KIAA0586: variants seen among roughly 807,000 people sequenced by gnomAD.
KIAA0586 encodes the protein protein TALPID3.
Under a neutral mutation model 169.8 loss-of-function variants are expected in KIAA0586, and 144 were observed. The observed-to-expected ratio is 0.85, with a 90% confidence interval of 0.74 to 0.97. KIAA0586 has a LOEUF of 0.97. Among genes scored for constraint, KIAA0586 ranks in the 50% least tolerant of loss-of-function variants. The probability of loss-of-function intolerance (pLI) is 0.00; values close to 1 mark genes in which losing one functional copy is unlikely to be tolerated. For synonymous variants in KIAA0586, 625 were observed against 612.4 expected, an observed-to-expected ratio of 1.02 and a Z score of -0.30; for missense variants, 1,854 against 1,823.0, an observed-to-expected ratio of 1.02 and a Z score of -0.31.
intron 3 of KIAA0586, among the ~76,000 whole-genome samples, chr14:58,431,250 A>G (rs2140410597): frequency 6.6e-6 from 1 of 152,264 alleles, no homozygotes; most frequent in Admixed American, 6.5e-5. Context: ...GCAGAGGTTT[A>G]GTATTAGATA....
chr14:58,427,933 C>T lies in KIAA0586; in HGVS notation c.-332C>T. Reference sequence around the variant, plus strand: ...TCTTCTCAACAAATTTTAAGCCCGCCACTACATGTGTTTGGTTTTGCCCTA... The same window carrying T: ...TCTTCTCAACAAATTTTAAGCCCGCTACTACATGTGTTTGGTTTTGCCCTA... On this transcript the variant is annotated 5_prime_UTR_variant, in exon 1 of 31. Coordinates refer to ENST00000652326, the MANE Select transcript of KIAA0586 (RefSeq NM_001329943.3). 7.3e-7 allele frequency: 1 copy of T among 1,373,878 alleles called. No individual in the cohort carries two copies. Among genetic ancestry groups the T allele is most frequent in the Non-Finnish European group, 9.5e-7 (1 of 1,050,702 alleles). 85.1% of individuals were successfully genotyped at this position (1,373,878 alleles called of 1,614,324 possible).
At chr14:58,478,231 G>A (rs1595286898) in intron 20 of KIAA0586, among the ~76,000 whole-genome samples, 1 of 152,110 alleles carries the variant, frequency 6.6e-6, no homozygotes, top group Non-Finnish European at 1.5e-5. Flanking sequence ...GCCTGTAATC[G>A]CAGCACTTTG....
intron 14 of KIAA0586, among the ~76,000 whole-genome samples, 176 bp downstream of exon 14, chr14:58,461,336 A>T (rs1249156444): frequency 6.6e-6 from 1 of 152,252 alleles, no homozygotes; most frequent in Non-Finnish European, 1.5e-5. Context: ...CCAACATTTT[A>T]AAAAAGACAC....
chr14:58,479,250 C>T (rs1351628607), intron 20 of KIAA0586, among the ~76,000 whole-genome samples: 1 of 152,150 alleles, frequency 6.6e-6, no homozygotes, highest in African/African-American at 2.4e-5. Context: ...CCTAACTATA[C>T]TAATACCTGA....
At position 58,547,819 on chromosome 14, in the gene KIAA0586, C is replaced by T; in HGVS notation, c.4534C>T (p.Pro1512Ser). Residue 1512 changes from proline to serine, a missense_variant, in exon 31 of 31, where the codon CCT becomes TCT. Physicochemically the swap from Pro to Ser is moderately conservative, Grantham distance 74. Transcript: ENST00000652326. ...GCCACTCTCCGCTTCACAGATGCCCCCTGCCAAGATGTCAGTGATGCTGCC... is the reference window on the plus strand; with the variant it reads ...GCCACTCTCCGCTTCACAGATGCCCTCTGCCAAGATGTCAGTGATGCTGCC... ...AVPLSASQMP[P>S]AKMSVMLPSV... 2 of 1,613,688 alleles carry T rather than the reference C, an allele frequency of 1.2e-6. No individual in the cohort carries two copies. The highest frequency in any genetic ancestry group is 2.7e-5 in the African/African-American group (2 of 75,008).
At chr14:58,437,255 C>A (rs188046111) in intron 4 of KIAA0586, among the ~76,000 whole-genome samples, 321 of 152,188 alleles carry the variant, frequency 2.1e-3, no homozygotes, top group African/African-American at 7.1e-3. Context: ...AAGGAAGGCA[C>A]TAAGGTTGAA....
chr14:58,450,256 C>G (rs978424086), intron 7 of KIAA0586, among the ~76,000 whole-genome samples: 2 of 152,088 alleles, frequency 1.3e-5, no homozygotes, highest in African/African-American at 4.8e-5. Flanking sequence ...GTATATAAAA[C>G]TTTAATTCTT....
chr14:58,462,118 A>G (rs1305439186), intron 14 of KIAA0586, among the ~76,000 whole-genome samples: 1 of 152,226 alleles, frequency 6.6e-6, no homozygotes, highest in East Asian at 1.9e-4. Flanking sequence ...AGGTTATGCA[A>G]TCATATACAG....
Position 58,498,973 on chromosome 14 carries a change from A to G in KIAA0586, c.4168+13A>G, listed in dbSNP as rs375052904. ...GACACAGTTTCAGGTAGACACCAAA[A>G]TATTTTTTCTTGATGTGTCATAGTA... is the stretch of plus-strand genomic sequence containing the variant. On this transcript the variant is annotated intron_variant, in intron 27 of 30. Coordinates refer to ENST00000652326, the MANE Select transcript of KIAA0586 (RefSeq NM_001329943.3). The G allele has an allele frequency of 5.7e-6, 9 of 1,575,618 alleles. 1 individual carries two copies. Among genetic ancestry groups the G allele is most frequent in the Non-Finnish European group, 8.6e-7 (1 of 1,160,038 alleles).
intron 12 of KIAA0586, among the ~76,000 whole-genome samples, 179 bp downstream of exon 12, chr14:58,458,724 A>C (rs911102131): frequency 6.6e-6 from 1 of 152,184 alleles, no homozygotes; most frequent in Non-Finnish European, 1.5e-5. Context: ...TAACAAGTAT[A>C]TTATCTCCAC....
chr14:58,554,705 ATCT>A (rs1465338112), downstream of KIAA0586, among the ~76,000 whole-genome samples: 1 of 152,124 alleles, frequency 6.6e-6, no homozygotes, highest in Admixed American at 6.5e-5. Context: ...CAGATAGTAA[ATCT>A]TCTTGGCTTT....
intron 29 of KIAA0586, among the ~76,000 whole-genome samples, chr14:58,526,608 G>C (rs551699931): frequency 6.6e-6 from 1 of 152,278 alleles, no homozygotes; most frequent in East Asian, 1.9e-4. Context: ...GGAAAAACCA[G>C]TGCAAAAAGC....
chr14:58,450,394 G>A (rs931730579), intron 7 of KIAA0586, among the ~76,000 whole-genome samples, 185 bp from the exon 8 acceptor site: 2 of 152,088 alleles, frequency 1.3e-5, no homozygotes, highest in African/African-American at 4.8e-5. Flanking sequence ...AGATGTAAGT[G>A]TACAATGTTT....
intron 23 of KIAA0586, 78 bp from the exon 24 acceptor site, chr14:58,488,543 C>T (rs888497363): frequency 1.8e-5 from 27 of 1,496,476 alleles, no homozygotes; most frequent in East Asian, 2.3e-5. Flanking sequence ...ACATAGTCTT[C>T]GAGTCTGTTT....
At chr14:58,557,665 TGA>T in the KIAA0586 span, among the ~76,000 whole-genome samples, 1 of 151,944 alleles carries the variant, frequency 6.6e-6, no homozygotes, top group Non-Finnish European at 1.5e-5. Flanking sequence ...GCCACCAGAC[TGA>T]GAGATTTGTT....
the KIAA0586 span, among the ~76,000 whole-genome samples, chr14:58,560,812 T>C: frequency 6.6e-6 from 1 of 152,248 alleles, no homozygotes; most frequent in African/African-American, 2.4e-5. Flanking sequence ...ATCTTTCTCC[T>C]TTGGGAGCTA....
Position 58,443,699 on chromosome 14 carries a change from A to T in KIAA0586, c.586-255A>T, listed in dbSNP as rs564150064. 8.4e-4 allele frequency among the ~76,000 whole-genome samples: 127 copies of T among 151,932 alleles called. 1 individual carries two copies. Among genetic ancestry groups the T allele is most frequent in the South Asian group, 8.1e-3 (39 of 4,824 alleles). On this transcript the variant is annotated intron_variant, in intron 5 of 30. Transcript: ENST00000652326. ...TGGCCTCCCAAAGTGCTGGGATTAG[A>T]GGTGTGAGCCACCGCGCCTGGCCAA...
chr14:58,488,123 T>TA lies in KIAA0586; in HGVS notation c.3527+15dup. On this transcript the variant is annotated intron_variant, in intron 23 of 30. Coordinates refer to ENST00000652326, the MANE Select transcript of KIAA0586 (RefSeq NM_001329943.3). ...TCCAAGAGCTATGTAAATGAGAACATACTCACTAGTAACTGTACATTTCAA... is the reference window on the plus strand; with the variant it reads ...TCCAAGAGCTATGTAAATGAGAACATAACTCACTAGTAACTGTACATTTCAA... 1 of 1,523,520 alleles carries TA rather than the reference T, an allele frequency of 6.6e-7. No homozygotes were observed. The highest frequency in any genetic ancestry group is 1.2e-5 in the South Asian group (1 of 84,688). The allele number at this position is 1,523,520 out of a possible 1,614,324, so 94.4% of individuals were successfully genotyped here. A position where few individuals can be genotyped will look rare whatever the true frequency, so the allele number is the denominator to read the frequency against.
At chr14:58,492,296 C>T in intron 26 of KIAA0586, 21 bp downstream of exon 26, 1 of 1,528,668 alleles carries the variant, frequency 6.5e-7, no homozygotes, top group Non-Finnish European at 8.8e-7. Context: ...ACTTTAATGA[C>T]TTTTTTTTGG....
Sources: gnomAD v4.1 joint callset for allele counts (sites outside exome capture counted in the v4.1 genomes callset) on GRCh38, gnomAD v4.1.1 for gene constraint, MANE v1.5 for transcripts, NCBI Gene and HGNC (gene_info 2026-07-23, HGNC 2026-07-21) for gene names.